LRRC9: variants seen among roughly 807,000 people sequenced by gnomAD.
LRRC9 encodes leucine rich repeat containing 9, also known as leucine-rich repeat-containing protein 9.
LRRC9 carries 122 observed loss-of-function variants against 63.2 expected under a neutral mutation model. The observed-to-expected ratio is 1.93, with a 90% CI of 1.67 to 2.24. LRRC9 has a LOEUF of 2.24. LRRC9 is among the 30% of genes most tolerant of loss of function. LRRC9 has a pLI of 0.00. For synonymous variants in LRRC9, 366 were observed against 213.1 expected (o/e 1.72, Z -6.25); for missense variants, 1,071 against 627.7 (o/e 1.71, Z -7.55).
chr14:59,941,228 T>C (rs950916449), intron 7 of LRRC9, among the ~76,000 whole-genome samples: 2 of 151,930 alleles, frequency 1.3e-5, no homozygotes, highest in African/African-American at 4.8e-5. Flanking sequence ...TGGTAAGATA[T>C]AGTAGACACT....
chr14:60,040,331 C>T (rs1007989078), intron 29 of LRRC9, among the ~76,000 whole-genome samples: 41 of 151,806 alleles, frequency 2.7e-4, no homozygotes, highest in African/African-American at 9.5e-4. Flanking sequence ...CTTTCTGTCT[C>T]GTTGATCTGT....
At chr14:60,039,895 A>G (rs1297034334) in intron 29 of LRRC9, among the ~76,000 whole-genome samples, 1 of 151,884 alleles carries the variant, frequency 6.6e-6, no homozygotes, top group Admixed American at 6.6e-5. Flanking sequence ...TCTCCTGTGT[A>G]CATTTAGTGC....
chr14:60,061,403 C>T (rs1038785056), intron 31 of LRRC9, among the ~76,000 whole-genome samples: 1 of 152,198 alleles, frequency 6.6e-6, no homozygotes, highest in Non-Finnish European at 1.5e-5. Context: ...GATTACAACT[C>T]GCTGAACATT....
At chr14:60,033,781 G>C (rs528031186) in intron 29 of LRRC9, among the ~76,000 whole-genome samples, 1 of 152,040 alleles carries the variant, frequency 6.6e-6, no homozygotes, top group South Asian at 2.1e-4. Flanking sequence ...TAATTTGGGA[G>C]CATTCCCTCT....
chr14:59,931,834 C>G, intron 5 of LRRC9, 135 bp from the exon 6 acceptor site: 1 of 608,170 alleles, frequency 1.6e-6, no homozygotes, highest in East Asian at 2.8e-5. Context: ...ACTCATTAAT[C>G]AGTGGTTACT....
chr14:60,032,434 C>A (rs1892067953), intron 29 of LRRC9, among the ~76,000 whole-genome samples: 1 of 152,036 alleles, frequency 6.6e-6, no homozygotes. Flanking sequence ...TTCTTCACTG[C>A]CTTGGCTATT....
Position 60,053,932 on chromosome 14 carries a change from G to A in LRRC9, c.4131+727G>A, listed in dbSNP as rs1175351963. Reference sequence around the variant, plus strand: ...GAAAAAAAGAGGCTGGAGGGAGAAGGGAAACCAGCTCAGAGGCTTTTAGAA... The same window carrying A: ...GAAAAAAAGAGGCTGGAGGGAGAAGAGAAACCAGCTCAGAGGCTTTTAGAA... On this transcript the variant is annotated intron_variant, in intron 30 of 31. Transcript: ENST00000445360. The surrounding 1 kb of genome is among the most constrained non-coding windows in gnomAD (Gnocchi z 4.8). The A allele has an allele frequency of 2.2e-6, 1 of 455,444 alleles. No homozygotes were observed. Among genetic ancestry groups the A allele is most frequent in the Non-Finnish European group, 4.4e-6 (1 of 226,626 alleles). The allele number at this position is 455,444 out of a possible 1,614,324, so 28.2% of individuals were successfully genotyped here.
intron 9 of LRRC9, among the ~76,000 whole-genome samples, chr14:59,960,568 C>T (rs1290419070): frequency 2.6e-5 from 4 of 152,138 alleles, no homozygotes; most frequent in African/African-American, 9.7e-5. Context: ...GTATGTAACT[C>T]TCAAAACAAC....
rs1296971401 is a variant in LRRC9 at position 59,942,746 on chromosome 14, T to G, written c.727-1843T>G. On this transcript the variant is annotated intron_variant, in intron 7 of 31. Transcript: ENST00000445360. This position sits in a 1 kb window ranked among gnomAD's most constrained non-coding sequence, Gnocchi z 5.3. ...CCGTCTCAAAAAAAAGAGTTCCCTT[T>G]GCTCTGCATCCTCGCCAGCATCTCT... 6.6e-6 allele frequency among the ~76,000 whole-genome samples: 1 copy of G among 151,846 alleles called. No homozygotes were observed. Among genetic ancestry groups the G allele is most frequent in the East Asian group, 1.9e-4 (1 of 5,178 alleles).
At position 60,027,869 on chromosome 14, in the gene LRRC9, C is replaced by T. The variant is rs1566888993; in HGVS notation, c.3704-15C>T. On this transcript the variant is annotated splice_polypyrimidine_tract_variant and intron_variant, in intron 27 of 31. Transcript: ENST00000445360. The surrounding 1 kb of genome is among the most constrained non-coding windows in gnomAD (Gnocchi z 4.0). ...TTTGGGCTCACTTGATATATCATGA[C>T]TTATCTCTTTTTAGGTAATGAAATC... is the stretch of plus-strand genomic sequence containing the variant. The T allele has an allele frequency of 4.3e-6, 3 of 690,182 alleles. No homozygotes were observed. Among genetic ancestry groups the T allele is most frequent in the Non-Finnish European group, 7.9e-6 (3 of 378,996 alleles). 42.8% of individuals were successfully genotyped at this position (690,182 alleles called of 1,614,324 possible).
intron 29 of LRRC9, among the ~76,000 whole-genome samples, chr14:60,033,236 T>C (rs1408446369): frequency 6.6e-6 from 1 of 152,142 alleles, no homozygotes; most frequent in Non-Finnish European, 1.5e-5. Flanking sequence ...TTTTTTGGAT[T>C]TTCTGTATAG....
At chr14:59,931,399 T>A (rs1430253496) in intron 4 of LRRC9, among the ~76,000 whole-genome samples, 1 of 152,060 alleles carries the variant, frequency 6.6e-6, no homozygotes, top group Admixed American at 6.6e-5. Context: ...CCTCCTTTTT[T>A]CCTCTCTACT....
chr14:59,926,554 C>T (rs896107087), intron 1 of LRRC9, among the ~76,000 whole-genome samples: 2 of 152,072 alleles, frequency 1.3e-5, no homozygotes, highest in African/African-American at 2.4e-5. Flanking sequence ...ACATAACCAG[C>T]ACCTAGATCA....
chr14:60,008,328 A>G, intron 23 of LRRC9, 114 bp downstream of exon 23: 1 of 511,580 alleles, frequency 2.0e-6, no homozygotes, highest in South Asian at 3.0e-5. Flanking sequence ...AATTTACTAT[A>G]CTTATTAAAT....
chr14:60,066,545 A>T (rs1440662509), downstream of LRRC9, among the ~76,000 whole-genome samples: 1 of 152,158 alleles, frequency 6.6e-6, no homozygotes, highest in Non-Finnish European at 1.5e-5. Context: ...TATAAAACTT[A>T]GAGCTTCTGG....
rs1334005953 is a variant in LRRC9 at position 59,928,456 on chromosome 14, AG to A, written c.238del (p.Glu80AsnfsTer9). On this transcript the variant is annotated frameshift_variant, in exon 3 of 32. Coordinates refer to ENST00000445360, the Ensembl canonical transcript of LRRC9. LOFTEE classifies it high-confidence loss of function. ...GGTTAGAGCCTTGTTTACAACTTAA[AG>A]AACTTTGGATTGCTGAGTGCTGCAT... 1 of 692,838 alleles carries A rather than the reference AG, an allele frequency of 1.4e-6. No individual in the cohort carries two copies. Among genetic ancestry groups the A allele is most frequent in the Non-Finnish European group, 2.6e-6 (1 of 381,274 alleles). The allele number at this position is 692,838 out of a possible 1,614,324, so 42.9% of individuals were successfully genotyped here.
chr14:60,002,144 A>G (rs1889429580), intron 20 of LRRC9, 44 bp downstream of exon 20: 3 of 666,610 alleles, frequency 4.5e-6, no homozygotes, highest in Non-Finnish European at 8.1e-6. Flanking sequence ...CTTAATTTAA[A>G]TCTATTTTTA....
At chr14:60,006,565 T>C (rs758066185) in exon 22 of LRRC9, 6 of 701,562 alleles carry the variant, frequency 8.6e-6, no homozygotes, top group Middle Eastern at 4.6e-4. Flanking sequence ...CTTGTTGAGT[T>C]ATACATAAGC....
chr14:60,035,956 A>G (rs219412), intron 29 of LRRC9, among the ~76,000 whole-genome samples: 114,016 of 151,580 alleles, frequency 0.75, 44,854 homozygotes, highest in Non-Finnish European at 0.87. Context: ...ATTTCTCACA[A>G]TTCTGAGGCT....
Sources: allele counts gnomAD v4.1 joint callset (sites outside exome capture counted in the v4.1 genomes callset), GRCh38; gene constraint gnomAD v4.1.1; non-coding constraint Gnocchi (gnomAD v3.1); transcripts MANE v1.5; gene names NCBI Gene and HGNC (gene_info 2026-07-23, HGNC 2026-07-21).